JPH3: variants seen among roughly 807,000 people sequenced by gnomAD.
The protein encoded by JPH3 is junctophilin-3.
Under a neutral mutation model 59.6 loss-of-function variants are expected in JPH3, and 11 were observed. The ratio of observed to expected loss-of-function variants is 0.18; its 90% CI spans 0.12 to 0.31. JPH3 has a LOEUF of 0.31. Among genes scored for constraint, JPH3 ranks in the 10% least tolerant of loss-of-function variants. The pLI is 1.00. For synonymous variants in JPH3, 673 were observed against 483.6 expected, an observed-to-expected ratio of 1.39 and a Z score of -5.14; for missense variants, 1,202 against 1,105.7, an observed-to-expected ratio of 1.09 and a Z score of -1.24.
intron 2 of JPH3, among the ~76,000 whole-genome samples, chr16:87,648,662 G>A (rs984097008): frequency 2.0e-5 from 3 of 152,306 alleles, no homozygotes; most frequent in Middle Eastern, 3.4e-3. Context: ...CCCGGCCCTG[G>A]GCTGGGAGAG....
chr16:87,696,877 A>C lies in JPH3; in HGVS notation c.*217A>C. 1.8e-6 allele frequency: 1 copy of C among 548,916 alleles called. No individual in the cohort carries two copies. The highest frequency in any genetic ancestry group is 3.2e-5 in the East Asian group (1 of 31,178). The allele number at this position is 548,916 out of a possible 1,614,324, so 34.0% of individuals were successfully genotyped here. On this transcript the variant is annotated 3_prime_UTR_variant, in exon 5 of 5. Coordinates refer to ENST00000284262, the MANE Select transcript of JPH3 (RefSeq NM_020655.4). ...AGCCAAAATTCTTTGCTTGTATAAC[A>C]CTCTGCTGTGTGGCATGGCAGAAGG... is the stretch of plus-strand genomic sequence containing the variant.
chr16:87,616,995 C>T (rs1381366546), intron 1 of JPH3, among the ~76,000 whole-genome samples: 4 of 152,118 alleles, frequency 2.6e-5, no homozygotes, highest in Non-Finnish European at 4.4e-5. Context: ...GAGGCCTAGG[C>T]GGGTGGGTCA....
chr16:87,627,951 ACCT>A (rs1027624837), intron 1 of JPH3, among the ~76,000 whole-genome samples: 1 of 152,002 alleles, frequency 6.6e-6, no homozygotes, highest in Non-Finnish European at 1.5e-5. Context: ...GGGCCCCACC[ACCT>A]CCTGGGTGAG....
At chr16:87,636,461 G>A (rs1231595785) in intron 1 of JPH3, among the ~76,000 whole-genome samples, 4 of 152,326 alleles carry the variant, frequency 2.6e-5, no homozygotes, top group Admixed American at 1.3e-4. Flanking sequence ...GCTTTATTGA[G>A]CAACCGAGGG....
At chr16:87,658,327 A>C (rs945552481) in intron 2 of JPH3, among the ~76,000 whole-genome samples, 4 of 151,526 alleles carry the variant, frequency 2.6e-5, no homozygotes, top group Non-Finnish European at 5.9e-5. Context: ...TAGGACAGGA[A>C]TTTTCTCTGT....
rs1316711777 is a variant in JPH3 at position 87,602,710 on chromosome 16, G to T, written c.-437G>T. ...CGCCGCCCTCGGGCGCCCGCAGCGC[G>T]GCAGCCGCAGGTGGGGGGCCGCGGC... On this transcript the variant is annotated 5_prime_UTR_variant, in exon 1 of 5. Transcript: ENST00000284262. Among the ~76,000 whole-genome samples, 1 of 120,654 alleles carries T rather than the reference G, an allele frequency of 8.3e-6. No individual in the cohort carries two copies. The highest frequency in any genetic ancestry group is 1.7e-5 in the Non-Finnish European group (1 of 57,468). 79.2% of individuals were successfully genotyped at this position (120,654 alleles called of 152,430 possible).
intron 1 of JPH3, among the ~76,000 whole-genome samples, chr16:87,630,127 C>T (rs1053444719): frequency 2.6e-5 from 4 of 152,190 alleles, no homozygotes; most frequent in Admixed American, 1.3e-4. Context: ...GTCTTGTCCC[C>T]ACAGCACAGA....
intron 1 of JPH3, chr16:87,604,981 G>C: frequency 2.5e-6 from 1 of 401,436 alleles, no homozygotes; most frequent in Non-Finnish European, 5.1e-6. Context: ...CTGTGGGCCT[G>C]TGTGTGTGTG....
chr16:87,678,545 A>C (rs529000356), intron 2 of JPH3, among the ~76,000 whole-genome samples: 18 of 152,092 alleles, frequency 1.2e-4, no homozygotes, highest in Admixed American at 2.6e-4. Flanking sequence ...TCACACACAC[A>C]CACACAATAT....
In JPH3 at chr16:87,602,553, CGCCGCCGCCGCCCGA is replaced by C. The variant is rs2030267339; in HGVS notation, c.-585_-571del. ...GAGCGCACGCCGCCGCCGCCACCGC[CGCCGCCGCCGCCCGA>C]GCCGCCGCATTGCTGCTGCTGCTGC... is the stretch of plus-strand genomic sequence containing the variant. On this transcript the variant is annotated 5_prime_UTR_variant, in exon 1 of 5. Transcript: ENST00000284262. Among the ~76,000 whole-genome samples, 1 of 140,372 alleles carries C rather than the reference CGCCGCCGCCGCCCGA, an allele frequency of 7.1e-6. No homozygotes were observed. Among genetic ancestry groups the C allele is most frequent in the African/African-American group, 2.5e-5 (1 of 39,260 alleles). 92.1% of individuals were successfully genotyped at this position (140,372 alleles called of 152,430 possible).
intron 2 of JPH3, among the ~76,000 whole-genome samples, chr16:87,651,268 G>A (rs1024024769): frequency 1.3e-4 from 20 of 152,150 alleles, no homozygotes; most frequent in African/African-American, 3.9e-4. Context: ...ACCCCGGAGC[G>A]CCCATGGAGA....
chr16:87,649,952 G>A (rs887468960), intron 2 of JPH3, among the ~76,000 whole-genome samples: 3 of 152,248 alleles, frequency 2.0e-5, no homozygotes, highest in African/African-American at 7.2e-5. Context: ...TGCGTCTCGT[G>A]CAAACGTTGC....
In JPH3 at chr16:87,645,018, T is replaced by G; in HGVS notation, c.1143T>G (p.Ala381=). 6.2e-7 allele frequency: 1 copy of G among 1,603,646 alleles called. No individual in the cohort carries two copies. The highest frequency in any genetic ancestry group is 8.5e-7 in the Non-Finnish European group (1 of 1,178,828). Residue 381 remains alanine, a synonymous_variant, in exon 2 of 5, where the codon GCT becomes GCG. Coordinates refer to ENST00000284262, the MANE Select transcript of JPH3 (RefSeq NM_020655.4). The part of the protein sequence containing the change: ...ERAATIAKQK[A]EIAASRTSHS... The stretch of plus-strand genomic sequence containing the variant: ...CCGCCACCATCGCCAAGCAGAAGGC[T>G]GAGATCGCGGCTTCCAGGTAGGAGG...
chr16:87,645,917 G>A (rs1216840624), intron 2 of JPH3, among the ~76,000 whole-genome samples: 1 of 152,232 alleles, frequency 6.6e-6, no homozygotes, highest in Non-Finnish European at 1.5e-5. Flanking sequence ...GTTACTAAAG[G>A]GCTTTGTCAA....
At chr16:87,627,039 C>T (rs2031403041) in intron 1 of JPH3, among the ~76,000 whole-genome samples, 1 of 152,234 alleles carries the variant, frequency 6.6e-6, no homozygotes, top group South Asian at 2.1e-4. Context: ...AAATAAGAAT[C>T]ACCTGGGAAG....
Position 87,696,889 on chromosome 16 carries a change from G to A in JPH3, c.*229G>A. On this transcript the variant is annotated 3_prime_UTR_variant, in exon 5 of 5. Transcript: ENST00000284262. ...TTGCTTGTATAACACTCTGCTGTGT[G>A]GCATGGCAGAAGGAGGCCAGCACGC... 1.9e-6 allele frequency: 1 copy of A among 519,250 alleles called. No individual in the cohort carries two copies. Among genetic ancestry groups the A allele is most frequent in the Non-Finnish European group, 3.5e-6 (1 of 285,988 alleles). The allele number at this position is 519,250 out of a possible 1,614,324, so 32.2% of individuals were successfully genotyped here. A position where few individuals can be genotyped will look rare whatever the true frequency, so the allele number is the denominator to read the frequency against.
intron 1 of JPH3, among the ~76,000 whole-genome samples, chr16:87,629,222 T>C (rs2031483257): frequency 6.6e-6 from 1 of 152,152 alleles, no homozygotes; most frequent in South Asian, 2.1e-4. Context: ...ACCGTGTCCT[T>C]CAGACGCGGC....
At position 87,651,510 on chromosome 16, in the gene JPH3, G is replaced by A. The variant is rs73238270; in HGVS notation, c.1160+6475G>A. On this transcript the variant is annotated intron_variant, in intron 2 of 4. Transcript: ENST00000284262. ...AGAACATTCGTGATTCAAGGTTGGAGGTCAAAACATCCACATTAACAAGAA... is the reference window on the plus strand; with the variant it reads ...AGAACATTCGTGATTCAAGGTTGGAAGTCAAAACATCCACATTAACAAGAA... 9.2e-3 allele frequency among the ~76,000 whole-genome samples: 1,394 copies of A among 152,312 alleles called. 34 individuals are homozygous for A. The highest frequency in any genetic ancestry group is 0.032 in the African/African-American group (1,311 of 41,562).
At chr16:87,657,067 A>G (rs374312592) in intron 2 of JPH3, among the ~76,000 whole-genome samples, 2 of 152,148 alleles carry the variant, frequency 1.3e-5, no homozygotes, top group South Asian at 2.1e-4. Flanking sequence ...GGCCCTTGTC[A>G]TAGCGGAGGC....
Sources: gnomAD v4.1 joint callset for allele counts (sites outside exome capture counted in the v4.1 genomes callset) on GRCh38, gnomAD v4.1.1 for gene constraint, MANE v1.5 for transcripts, NCBI Gene and HGNC (gene_info 2026-07-23, HGNC 2026-07-21) for gene names.